Variants in PTPRO observed in about 807,000 individuals in gnomAD.
PTPRO encodes the protein receptor-type tyrosine-protein phosphatase O.
A neutral mutation model predicts 145.2 loss-of-function variants in PTPRO; 62 were observed. The ratio of observed to expected loss-of-function variants is 0.43; its 90% confidence interval spans 0.35 to 0.53. PTPRO has a LOEUF of 0.53. Among genes scored for constraint, PTPRO ranks in the 20% least tolerant of loss-of-function variants. The probability of loss-of-function intolerance (pLI) is 0.01; values close to 1 mark genes in which losing one functional copy is unlikely to be tolerated. For synonymous variants in PTPRO, 565 were observed against 514.7 expected (o/e 1.10, Z -1.32); for missense variants, 1,345 against 1,482.7 (o/e 0.91, Z 1.53).
chr12:15,364,696 G>GC (rs1304050554), intron 1 of PTPRO, among the ~76,000 whole-genome samples: 1 of 152,126 alleles, frequency 6.6e-6, no homozygotes, highest in East Asian at 1.9e-4. Context: ...TTAAGTCATA[G>GC]CAACAGTGAC....
At chr12:15,468,489 A>AG (rs1941467330) in intron 1 of PTPRO, among the ~76,000 whole-genome samples, 1 of 152,106 alleles carries the variant, frequency 6.6e-6, no homozygotes. Flanking sequence ...CACTGTCCTT[A>AG]GGTCCTGTTC....
At chr12:15,526,604 G>GAA (rs1405859248) in intron 12 of PTPRO, among the ~76,000 whole-genome samples, 1 of 152,080 alleles carries the variant, frequency 6.6e-6, no homozygotes, top group Non-Finnish European at 1.5e-5. Flanking sequence ...TTAATATTAT[G>GAA]TAATGCTCTC....
intron 12 of PTPRO, among the ~76,000 whole-genome samples, chr12:15,542,002 C>A (rs575148282): frequency 6.6e-6 from 1 of 151,574 alleles, no homozygotes; most frequent in Non-Finnish European, 1.5e-5. Context: ...CAGAGCAAGA[C>A]TCCACCTCAA....
chr12:15,557,903 T>G (rs1233339154), intron 16 of PTPRO, among the ~76,000 whole-genome samples: 1 of 152,082 alleles, frequency 6.6e-6, no homozygotes, highest in Non-Finnish European at 1.5e-5. Context: ...TTCTCCATTT[T>G]ATTTTATATT....
intron 23 of PTPRO, among the ~76,000 whole-genome samples, chr12:15,583,972 C>T (rs1944378193): frequency 6.6e-6 from 1 of 152,204 alleles, no homozygotes. Context: ...ACATTGCTTC[C>T]TTGTTAAGCA....
chr12:15,400,658 A>T (rs1021351271), intron 1 of PTPRO, among the ~76,000 whole-genome samples: 1 of 152,228 alleles, frequency 6.6e-6, no homozygotes, highest in Admixed American at 6.5e-5. Context: ...AAGTACCAAT[A>T]TTTTAATTAG....
intron 19 of PTPRO, among the ~76,000 whole-genome samples, chr12:15,575,667 T>C (rs1565440276): frequency 6.6e-6 from 1 of 152,224 alleles, no homozygotes; most frequent in Non-Finnish European, 1.5e-5. Flanking sequence ...TTAGTTCCTA[T>C]GGCTGCCATA....
intron 1 of PTPRO, among the ~76,000 whole-genome samples, chr12:15,377,419 G>A (rs895420377): frequency 6.6e-6 from 1 of 151,894 alleles, no homozygotes; most frequent in Admixed American, 6.6e-5. Context: ...GTCTACAAGA[G>A]ACACATTTTA....
At chr12:15,581,298 CT>C (rs147606138) in intron 22 of PTPRO, among the ~76,000 whole-genome samples, 5,223 of 122,920 alleles carry the variant, frequency 0.042, 209 homozygotes, top group African/African-American at 0.15. Flanking sequence ...TGAGTGCTTT[CT>C]TTTTTTTTTT....
At chr12:15,501,228 C>T (rs1942214886) in intron 4 of PTPRO, among the ~76,000 whole-genome samples, 1 of 152,074 alleles carries the variant, frequency 6.6e-6, no homozygotes, top group Non-Finnish European at 1.5e-5. Context: ...TATAAGTACA[C>T]TATACTTGTT....
rs575328152 is a variant in PTPRO at position 15,392,552 on chromosome 12, C to T, written c.75+69751C>T. ...ACTGACCAATATGGTGAAACTCCAT[C>T]TCTACTAAAAATACAAAAATTAGCC... On this transcript the variant is annotated intron_variant, in intron 1 of 26. Coordinates refer to ENST00000281171, the MANE Select transcript of PTPRO (RefSeq NM_030667.3). Among the ~76,000 whole-genome samples the T allele has an allele frequency of 2.6e-5, 4 of 151,946 alleles. No homozygotes were observed. In the Middle Eastern group the frequency reaches 0.014, roughly 524 times the overall value.
At chr12:15,415,969 C>T (rs1428197312) in intron 1 of PTPRO, among the ~76,000 whole-genome samples, 1 of 151,598 alleles carries the variant, frequency 6.6e-6, no homozygotes, top group Non-Finnish European at 1.5e-5. Context: ...ATCAGAATTC[C>T]AATAAAGTCT....
intron 19 of PTPRO, 119 bp downstream of exon 19, chr12:15,569,617 G>A (rs949917647): frequency 3.4e-6 from 3 of 892,672 alleles, no homozygotes; most frequent in Non-Finnish European, 5.4e-6. Context: ...GTATTGGCCT[G>A]GGGATTGCTG....
At chr12:15,535,745 CAG>C (rs1173962301) in intron 12 of PTPRO, among the ~76,000 whole-genome samples, 2 of 152,186 alleles carry the variant, frequency 1.3e-5, no homozygotes, top group East Asian at 1.9e-4. Flanking sequence ...AAAAATTTAA[CAG>C]AACAGGGAGG....
intron 1 of PTPRO, among the ~76,000 whole-genome samples, chr12:15,367,171 A>G (rs1938388314): frequency 6.6e-6 from 1 of 152,224 alleles, no homozygotes; most frequent in Non-Finnish European, 1.5e-5. Flanking sequence ...AATACATACA[A>G]TCTTTAGTCT....
chr12:15,497,894 G>A (rs1417804632), intron 3 of PTPRO, among the ~76,000 whole-genome samples: 1 of 152,192 alleles, frequency 6.6e-6, no homozygotes, highest in Non-Finnish European at 1.5e-5. Flanking sequence ...TCACTGGCTT[G>A]ATGGGAACCT....
At chr12:15,364,786 A>G (rs1938311510) in intron 1 of PTPRO, among the ~76,000 whole-genome samples, 1 of 152,200 alleles carries the variant, frequency 6.6e-6, no homozygotes, top group South Asian at 2.1e-4. Flanking sequence ...TTGTTCTGCA[A>G]GAGAGTAGTA....
intron 1 of PTPRO, chr12:15,348,580 A>C (rs1039495244): frequency 3.3e-5 from 5 of 152,150 alleles, no homozygotes; most frequent in Non-Finnish European, 7.3e-5. Context: ...AACACAGTGA[A>C]ACCCCGTCTC....
intron 1 of PTPRO, among the ~76,000 whole-genome samples, chr12:15,374,529 C>T (rs1938623309): frequency 6.6e-6 from 1 of 152,152 alleles, no homozygotes; most frequent in Non-Finnish European, 1.5e-5. Context: ...TCTTGGAGCA[C>T]TGGAGGGGGC....
Sources: allele counts gnomAD v4.1 joint callset (sites outside exome capture counted in the v4.1 genomes callset), GRCh38; gene constraint gnomAD v4.1.1; transcripts MANE v1.5; gene names NCBI Gene and HGNC (gene_info 2026-07-23, HGNC 2026-07-21).